WDR76: variants seen among roughly 807,000 people sequenced by gnomAD.
WDR76 encodes WD repeat-containing protein 76.
WDR76 carries 52 observed loss-of-function variants against 70.2 expected under a neutral mutation model. The ratio of observed to expected loss-of-function variants is 0.74; its 90% CI spans 0.59 to 0.93. WDR76 has a LOEUF of 0.93. WDR76 is among the 40% of genes least tolerant of loss of function. The pLI is 0.00. For synonymous variants in WDR76, 292 were observed against 271.1 expected, an observed-to-expected ratio of 1.08 and a Z score of -0.76; for missense variants, 756 against 760.2, an observed-to-expected ratio of 0.99 and a Z score of 0.07.
chr15:43,835,053 T>A lies in WDR76; in HGVS notation c.463-8T>A. The A allele has an allele frequency of 6.2e-7, 1 of 1,612,528 alleles. No homozygotes were observed. Among genetic ancestry groups the A allele is most frequent in the Non-Finnish European group, 8.5e-7 (1 of 1,178,820 alleles). On this transcript the variant is annotated splice_region_variant and splice_polypyrimidine_tract_variant and intron_variant, in intron 2 of 12. Transcript: ENST00000263795. ...AAGTAATGGAATCTTTTTGGTGTAA[T>A]TTTATAGGATTTTTCGGGATTGTCA... is the stretch of plus-strand genomic sequence containing the variant.
intron 4 of WDR76, among the ~76,000 whole-genome samples, chr15:43,838,401 G>C (rs967181145): frequency 9.3e-5 from 14 of 150,904 alleles, no homozygotes; most frequent in African/African-American, 3.4e-4. Flanking sequence ...GGCAAGGCTG[G>C]TCTGGAACTC....
At chr15:43,860,657 C>T (rs116503162) in intron 11 of WDR76, among the ~76,000 whole-genome samples, 295 of 151,952 alleles carry the variant, frequency 1.9e-3, no homozygotes, top group Admixed American at 4.9e-3. Context: ...CATGTGCCAC[C>T]ATACCTAGCT....
chr15:43,848,574 A>C (rs1265850405), intron 8 of WDR76, among the ~76,000 whole-genome samples: 2 of 152,198 alleles, frequency 1.3e-5, no homozygotes, highest in Admixed American at 6.5e-5. Context: ...TCTTCAAAGG[A>C]AGTTTTCTTG....
chr15:43,858,952 G>T (rs1306806433), intron 11 of WDR76, 129 bp downstream of exon 11: 1 of 1,218,838 alleles, frequency 8.2e-7, no homozygotes, highest in African/African-American at 1.5e-5. Context: ...GTAGTCATAT[G>T]TAGGTTCCTA....
intron 10 of WDR76, 66 bp from the exon 11 acceptor site, chr15:43,858,605 T>A (rs1241570782): frequency 1.3e-6 from 2 of 1,566,206 alleles, no homozygotes; most frequent in African/African-American, 1.4e-5. Context: ...AACTTATGTT[T>A]AGCCCTGTTG....
chr15:43,851,509 T>C (rs543044158), intron 9 of WDR76, among the ~76,000 whole-genome samples: 2 of 152,324 alleles, frequency 1.3e-5, no homozygotes, highest in African/African-American at 4.8e-5. Flanking sequence ...GAGAATTTAA[T>C]GAGCTTATGC....
At chr15:43,836,248 T>C in intron 4 of WDR76, 32 bp downstream of exon 4, 2 of 1,593,110 alleles carry the variant, frequency 1.3e-6, no homozygotes, top group Non-Finnish European at 1.7e-6. Context: ...GCCTGAACCA[T>C]GATACATTGC....
At chr15:43,857,989 G>T (rs1486188241) in intron 10 of WDR76, among the ~76,000 whole-genome samples, 1 of 125,340 alleles carries the variant, frequency 8.0e-6, no homozygotes, top group Non-Finnish European at 1.6e-5. Context: ...TTTTGAGATG[G>T]AATCTTACTC....
intron 3 of WDR76, 124 bp from the exon 4 acceptor site, chr15:43,836,035 CTA>C (rs759950285): frequency 1.3e-6 from 1 of 740,882 alleles, no homozygotes; most frequent in Non-Finnish European, 2.0e-6. Context: ...GACTCATGGC[CTA>C]TCTTAAGGAT....
At chr15:43,845,050 C>T (rs1476962964) in intron 8 of WDR76, among the ~76,000 whole-genome samples, 1 of 143,592 alleles carries the variant, frequency 7.0e-6, no homozygotes, top group Non-Finnish European at 1.6e-5. Context: ...CAAGCTCCGC[C>T]TCTCAGGTTC....
intron 12 of WDR76, among the ~76,000 whole-genome samples, 195 bp from the exon 13 acceptor site, chr15:43,865,932 AT>A (rs2088064659): frequency 6.6e-6 from 1 of 152,202 alleles, no homozygotes; most frequent in African/African-American, 2.4e-5. Flanking sequence ...AGATTTTTAG[AT>A]GAGGAGGATA....
At chr15:43,862,327 T>A (rs1221024382) in intron 12 of WDR76, among the ~76,000 whole-genome samples, 1 of 146,234 alleles carries the variant, frequency 6.8e-6, no homozygotes, top group African/African-American at 2.5e-5. Flanking sequence ...TTTTTTTAAT[T>A]TTTTTTTAAA....
chr15:43,832,755 T>TTTTG (rs2087607500), intron 2 of WDR76, among the ~76,000 whole-genome samples: 1 of 133,872 alleles, frequency 7.5e-6, no homozygotes, highest in African/African-American at 2.7e-5. Context: ...TTTTTTTTTT[T>TTTTG]TTTTTTTTTT....
At chr15:43,835,581 G>A (rs1466115166) in intron 3 of WDR76, among the ~76,000 whole-genome samples, 1 of 151,838 alleles carries the variant, frequency 6.6e-6, no homozygotes, top group African/African-American at 2.4e-5. Flanking sequence ...TATGAGGGAG[G>A]GTAAAATTGG....
intron 2 of WDR76, among the ~76,000 whole-genome samples, chr15:43,833,083 C>G (rs1415772344): frequency 1.3e-5 from 2 of 151,816 alleles, no homozygotes; most frequent in African/African-American, 4.8e-5. Flanking sequence ...ATTATGCATC[C>G]AAAGGCTGCA....
At position 43,827,219 on chromosome 15, in the gene WDR76, G is replaced by A. The variant is rs183565527; in HGVS notation, c.60+127G>A. 1,448 of 1,141,214 alleles carry A rather than the reference G, an allele frequency of 1.3e-3. 43 individuals are homozygous for A. In the Admixed American group the frequency reaches 0.03, roughly 23 times the overall value. The allele number at this position is 1,141,214 out of a possible 1,614,324, so 70.7% of individuals were successfully genotyped here. ...GGTAGGCGGGGGATCCCTGCCCTTA[G>A]GCCTTCAGCTTTGACGAAAGGTTCT... On this transcript the variant is annotated intron_variant, in intron 1 of 12. Coordinates refer to ENST00000263795, the MANE Select transcript of WDR76 (RefSeq NM_024908.4).
intron 5 of WDR76, among the ~76,000 whole-genome samples, chr15:43,841,696 C>T (rs1368782485): frequency 1.3e-5 from 2 of 152,096 alleles, no homozygotes; most frequent in Non-Finnish European, 2.9e-5. Flanking sequence ...GACATACTAA[C>T]ATGATTTCTC....
rs2088098734 is a variant in WDR76 at position 43,868,321 on chromosome 15, A to G, written c.*1929A>G. 6.6e-6 allele frequency: 1 copy of G among 152,200 alleles called. No homozygotes were observed. Among genetic ancestry groups the G allele is most frequent in the East Asian group, 1.9e-4 (1 of 5,206 alleles). 9.4% of individuals were successfully genotyped at this position (152,200 alleles called of 1,614,324 possible). A position where few individuals can be genotyped will look rare whatever the true frequency, so the allele number is the denominator to read the frequency against. ...TTGTTTTTGTTTTTAAAGATGCTGAAAACTACTCTCAATCAAATTAGTACC... is the reference window on the plus strand; with the variant it reads ...TTGTTTTTGTTTTTAAAGATGCTGAGAACTACTCTCAATCAAATTAGTACC... On this transcript the variant is annotated 3_prime_UTR_variant, in exon 13 of 13. Coordinates refer to ENST00000263795, the MANE Select transcript of WDR76 (RefSeq NM_024908.4).
At position 43,835,073 on chromosome 15, in the gene WDR76, T is replaced by C. The variant is rs751982710; in HGVS notation, c.475T>C (p.Leu159=). ...TGTAATTTTATAGGATTTTTCGGGA[T>C]TGTCACCCTACGAAAGGAAGAGACT... ...DTTPSLDFSG[L]SPYERKRLKN... Residue 159 remains leucine (L), a synonymous_variant, in exon 3 of 13, where the codon TTG becomes CTG. Transcript: ENST00000263795. 3.3e-5 allele frequency: 54 copies of C among 1,613,998 alleles called. No individual in the cohort carries two copies. The highest frequency in any genetic ancestry group is 3.6e-5 in the Non-Finnish European group (43 of 1,179,988).
Sources: gnomAD v4.1 joint callset for allele counts (sites outside exome capture counted in the v4.1 genomes callset) on GRCh38, gnomAD v4.1.1 for gene constraint, MANE v1.5 for transcripts, NCBI Gene and HGNC (gene_info 2026-07-23, HGNC 2026-07-21) for gene names.